The following SKA2 variants were observed in gnomAD, a reference collection of about 807,000 sequenced individuals.
The protein encoded by SKA2 is spindle and kinetochore-associated protein 2.
A neutral mutation model predicts 16.9 loss-of-function variants in SKA2; 13 were observed. The ratio of observed to expected loss-of-function variants is 0.77; its 90% confidence interval spans 0.50 to 1.22. SKA2 has a LOEUF of 1.22. Among genes scored for constraint, SKA2 ranks in the 50% most tolerant of loss-of-function variants. The pLI, the probability that SKA2 is intolerant of heterozygous loss-of-function variation, is 0.00. For synonymous variants in SKA2, 47 were observed against 48.5 expected, an observed-to-expected ratio of 0.97 and a Z score of 0.13; for missense variants, 107 against 139.7, an observed-to-expected ratio of 0.77 and a Z score of 1.18.
At chr17:59,155,181 CCGCAGACCG>C (rs1488501693) in exon 1 of SKA2, 3 of 1,613,806 alleles carry the variant, frequency 1.9e-6, no homozygotes, top group African/African-American at 2.7e-5. Flanking sequence ...AGTTGACATT[CCGCAGACCG>C]CGGCGGCGCT....
chr17:59,129,358 TACACACACACACACACAC>T (rs57908900), intron 2 of SKA2: 5 of 136,792 alleles, frequency 3.7e-5, no homozygotes, highest in African/African-American at 5.7e-5. Context: ...TAAACACACA[TACACACACACACACACAC>T]ACACACACAC....
chr17:59,121,793 CAAAAAAAAAAAAAAAAAAA>C (rs758240217), intron 2 of SKA2, among the ~76,000 whole-genome samples: 12 of 81,174 alleles, frequency 1.5e-4, no homozygotes, highest in Non-Finnish European at 2.4e-4. Flanking sequence ...TACGAAAATA[CAAAAAAAAAAAAAAAAAAA>C]AAAAAAAAAA....
chr17:59,129,554 A>T (rs2147805057), intron 2 of SKA2: 1 of 151,984 alleles, frequency 6.6e-6, no homozygotes, highest in East Asian at 2.0e-4. Context: ...AAGTGAGGAA[A>T]GAAAGGAAGA....
intron 1 of SKA2, among the ~76,000 whole-genome samples, chr17:59,142,291 GTT>G (rs757348686): frequency 8.0e-5 from 11 of 136,874 alleles, no homozygotes; most frequent in Non-Finnish European, 6.4e-5. Flanking sequence ...TATATGGTGG[GTT>G]TTTTTTTTTT....
chr17:59,124,417 G>A lies in SKA2; in HGVS notation c.121-4922C>T, dbSNP rs556186221. ...ACTGCACTCCAGTCTGGACAACAGAGTGAGACTCTGTCTGGGGAAAAAAAA... is the reference window on the plus strand; with the variant it reads ...ACTGCACTCCAGTCTGGACAACAGAATGAGACTCTGTCTGGGGAAAAAAAA... On this transcript the variant is annotated intron_variant, in intron 2 of 3. Transcript: ENST00000330137. The A allele has an allele frequency of 3.4e-5, 5 of 145,840 alleles. No homozygotes were observed. The East Asian group carries it at 9.9e-4, about 29-fold the overall frequency. 9.0% of individuals were successfully genotyped at this position (145,840 alleles called of 1,614,324 possible). A position where few individuals can be genotyped will look rare whatever the true frequency, so the allele number is the denominator to read the frequency against.
rs1568298691 is a variant in SKA2, at chr17:59,111,958, A to C, written c.*319T>G. The C allele has an allele frequency of 8.1e-6, 2 of 247,768 alleles. No individual in the cohort carries two copies. The allele number at this position is 247,768 out of a possible 1,614,324, so 15.3% of individuals were successfully genotyped here. ...CAGAACATCTATATTATCATGACTT[A>C]GAAAAAGAAAACAGATGCAAAATAG... is the stretch of plus-strand genomic sequence containing the variant. On this transcript the variant is annotated 3_prime_UTR_variant, in exon 4 of 4. Coordinates refer to ENST00000330137, the MANE Select transcript of SKA2 (RefSeq NM_182620.4).
Position 59,112,140 on chromosome 17 carries a change from T to C in SKA2, c.*137A>G, listed in dbSNP as rs1271181851. On this transcript the variant is annotated 3_prime_UTR_variant, in exon 4 of 4. Transcript: ENST00000330137. ...CTTATAATCTCTCTCATGAAAGATA[T>C]CATTATCCAGTCATTGAAGCCAAAC... The C allele has an allele frequency of 1.6e-6, 1 of 637,628 alleles. No homozygotes were observed. Among genetic ancestry groups the C allele is most frequent in the East Asian group, 2.7e-5 (1 of 36,924 alleles). The allele number at this position is 637,628 out of a possible 1,614,324, so 39.5% of individuals were successfully genotyped here. A position where few individuals can be genotyped will look rare whatever the true frequency, so the allele number is the denominator to read the frequency against.
rs552349686 is a variant in SKA2 at position 59,143,803 on chromosome 17, T to C, written c.33+11328A>G. Reference sequence around the variant, plus strand: ...CTTTAACTGGATGTTTACATGTAGATGTTTTAAATTAAGGAATATAGGTTC... The same window carrying C: ...CTTTAACTGGATGTTTACATGTAGACGTTTTAAATTAAGGAATATAGGTTC... On this transcript the variant is annotated intron_variant, in intron 1 of 3. Coordinates refer to ENST00000330137, the MANE Select transcript of SKA2 (RefSeq NM_182620.4). 1.1e-4 allele frequency among the ~76,000 whole-genome samples: 17 copies of C among 152,300 alleles called. 1 individual carries two copies. In the South Asian group the frequency reaches 3.5e-3, roughly 32 times the overall value.
At chr17:59,112,445 G>C in intron 3 of SKA2, 100 bp from the exon 4 acceptor site, 2 of 836,652 alleles carry the variant, frequency 2.4e-6, no homozygotes, top group Non-Finnish European at 3.7e-6. Flanking sequence ...GTTTCCCTAA[G>C]CTTATACTAT....
intron 2 of SKA2, chr17:59,129,432 A>T (rs2046395421): frequency 6.6e-6 from 1 of 151,248 alleles, no homozygotes; most frequent in Non-Finnish European, 1.5e-5. Flanking sequence ...ACTACACTTG[A>T]TCTTAGCCAA....
intron 2 of SKA2, among the ~76,000 whole-genome samples, chr17:59,120,173 G>A (rs1363665408): frequency 6.6e-6 from 1 of 152,102 alleles, no homozygotes; most frequent in East Asian, 1.9e-4. Flanking sequence ...CTCCCAAAGT[G>A]CTGGGATTAC....
chr17:59,141,971 G>A (rs2046493984), intron 1 of SKA2, among the ~76,000 whole-genome samples: 1 of 152,212 alleles, frequency 6.6e-6, no homozygotes, highest in East Asian at 1.9e-4. Context: ...TTCTCATGGA[G>A]CTAGAGGAAA....
intron 1 of SKA2, among the ~76,000 whole-genome samples, chr17:59,145,471 T>G (rs1349608014): frequency 6.6e-6 from 1 of 152,096 alleles, no homozygotes; most frequent in Non-Finnish European, 1.5e-5. Flanking sequence ...CTACTCATCT[T>G]TCAAGTCTCA....
intron 1 of SKA2, among the ~76,000 whole-genome samples, chr17:59,153,117 G>A (rs557809309): frequency 5.9e-5 from 9 of 152,244 alleles, no homozygotes; most frequent in Non-Finnish European, 1.3e-4. Flanking sequence ...TACTGTAAAA[G>A]CCAGACGAAG....
chr17:59,130,113 C>G (rs535983020), intron 2 of SKA2, among the ~76,000 whole-genome samples: 1 of 151,946 alleles, frequency 6.6e-6, no homozygotes, highest in Admixed American at 6.6e-5. Context: ...GGAGCTAGAA[C>G]AGTACAAACT....
At chr17:59,117,853 T>A (rs2046307403) in intron 3 of SKA2, 1 of 152,226 alleles carries the variant, frequency 6.6e-6, no homozygotes, top group South Asian at 2.1e-4. Flanking sequence ...TTCTTCTTGT[T>A]TGCCATAACT....
At chr17:59,113,201 C>G (rs2046274933) in intron 3 of SKA2, among the ~76,000 whole-genome samples, 1 of 151,504 alleles carries the variant, frequency 6.6e-6, no homozygotes, top group Non-Finnish European at 1.5e-5. Context: ...CTAGCCTGGG[C>G]AGCAGAGCAA....
At chr17:59,113,718 C>T (rs961741546) in intron 3 of SKA2, among the ~76,000 whole-genome samples, 3 of 151,362 alleles carry the variant, frequency 2.0e-5, no homozygotes, top group Non-Finnish European at 2.9e-5. Context: ...CCTAGCTACT[C>T]GGGAGGTTGA....
intron 1 of SKA2, chr17:59,151,836 C>CTAAACAGA (rs1179963694): frequency 6.6e-6 from 1 of 152,340 alleles, no homozygotes; most frequent in Admixed American, 6.6e-5. Flanking sequence ...TCAATGTGCT[C>CTAAACAGA]TAAACAGAAC....
Sources: allele counts gnomAD v4.1 joint callset (sites outside exome capture counted in the v4.1 genomes callset), GRCh38; gene constraint gnomAD v4.1.1; transcripts MANE v1.5; gene names NCBI Gene and HGNC (gene_info 2026-07-23, HGNC 2026-07-21).